FMNL2: variants seen among roughly 807,000 people sequenced by gnomAD.
FMNL2 encodes the protein formin like 2.
Under a neutral mutation model 130.2 loss-of-function variants are expected in FMNL2, and 51 were observed. That is an observed-to-expected ratio of 0.39 (90% CI 0.31 to 0.49). The LOEUF (loss-of-function observed/expected upper bound fraction) is 0.49, where lower values mean the gene tolerates loss of function less well. Among genes scored for constraint, FMNL2 ranks in the 20% least tolerant of loss-of-function variants. The pLI, the probability that FMNL2 is intolerant of heterozygous loss-of-function variation, is 0.85. For synonymous variants in FMNL2, 465 were observed against 467.1 expected (o/e 1.00, Z 0.06); for missense variants, 977 against 1,316.2 (o/e 0.74, Z 3.99).
At chr2:152,338,522 C>T (rs968663335) in intron 1 of FMNL2, among the ~76,000 whole-genome samples, 12 of 151,532 alleles carry the variant, frequency 7.9e-5, no homozygotes, top group Non-Finnish European at 1.2e-4. Context: ...TTAAATTGTG[C>T]GAATATAAAA....
At chr2:152,446,909 A>G (rs1399495835) in intron 1 of FMNL2, among the ~76,000 whole-genome samples, 1 of 152,196 alleles carries the variant, frequency 6.6e-6, no homozygotes, top group Non-Finnish European at 1.5e-5. Context: ...CAAAGATTTT[A>G]TAAATTTAAT....
At chr2:152,593,892 TGTGTGTGTGTGAGAGAGA>T (rs1379797204) in intron 9 of FMNL2, among the ~76,000 whole-genome samples, 3 of 113,256 alleles carry the variant, frequency 2.6e-5, no homozygotes, top group Admixed American at 9.2e-5. Context: ...TGTGTGTGTG[TGTGTGTGTGTGAGAGAGA>T]GAGAGAGAGA....
At chr2:152,394,535 G>T (rs1685288397) in intron 1 of FMNL2, among the ~76,000 whole-genome samples, 2 of 151,706 alleles carry the variant, frequency 1.3e-5, no homozygotes, top group South Asian at 4.2e-4. Context: ...TTCCATATGA[G>T]CTGGCATTCA....
intron 1 of FMNL2, among the ~76,000 whole-genome samples, chr2:152,452,798 C>A (rs931827526): frequency 6.6e-6 from 1 of 152,036 alleles, no homozygotes; most frequent in Non-Finnish European, 1.5e-5. Flanking sequence ...GGAGGGCTGT[C>A]GTACCAGGTG....
At chr2:152,597,637 T>A (rs1435224401) in intron 9 of FMNL2, among the ~76,000 whole-genome samples, 1 of 152,216 alleles carries the variant, frequency 6.6e-6, no homozygotes, top group African/African-American at 2.4e-5. Flanking sequence ...TCACTCATTG[T>A]TCCTTTTGTG....
At chr2:152,364,270 T>G (rs1192166856) in intron 1 of FMNL2, among the ~76,000 whole-genome samples, 62 of 147,412 alleles carry the variant, frequency 4.2e-4, no homozygotes, top group African/African-American at 1.5e-3. Flanking sequence ...TGTTTTTTTT[T>G]TTTTTTTTTT....
intron 1 of FMNL2, among the ~76,000 whole-genome samples, chr2:152,510,680 G>A (rs889922990): frequency 6.6e-6 from 1 of 152,196 alleles, no homozygotes; most frequent in Non-Finnish European, 1.5e-5. Flanking sequence ...CCGCTACCAC[G>A]AGGGGTGAGA....
At chr2:152,564,153 AC>A (rs1695682129) in intron 6 of FMNL2, among the ~76,000 whole-genome samples, 1 of 103,834 alleles carries the variant, frequency 9.6e-6, no homozygotes, top group East Asian at 2.9e-4. Flanking sequence ...TTTTAATAGC[AC>A]AGGTTGTTTT....
intron 1 of FMNL2, among the ~76,000 whole-genome samples, chr2:152,483,854 T>A (rs928022718): frequency 2.6e-5 from 4 of 152,134 alleles, no homozygotes; most frequent in Non-Finnish European, 5.9e-5. Context: ...ACCAGAGAAA[T>A]GCACACACAG....
intron 1 of FMNL2, among the ~76,000 whole-genome samples, chr2:152,494,312 C>G (rs1380525153): frequency 6.6e-6 from 1 of 152,156 alleles, no homozygotes; most frequent in Non-Finnish European, 1.5e-5. Context: ...GCATCTGACC[C>G]AAAATAACAC....
At chr2:152,412,468 ATATATATATATATATAT>A (rs1686362487) in intron 1 of FMNL2, among the ~76,000 whole-genome samples, 1 of 17,960 alleles carries the variant, frequency 5.6e-5, no homozygotes, top group Non-Finnish European at 1.5e-4. Context: ...ATATATATAT[ATATATATATATATATAT>A]ATATATATAT....
chr2:152,640,659 C>A, intron 24 of FMNL2, 132 bp from the exon 25 acceptor site: 1 of 1,132,530 alleles, frequency 8.8e-7, no homozygotes, highest in Non-Finnish European at 1.2e-6. Flanking sequence ...TGCAACTGAG[C>A]AGAATGTGGG....
At chr2:152,563,930 A>G (rs1034195403) in intron 6 of FMNL2, among the ~76,000 whole-genome samples, 1 of 152,176 alleles carries the variant, frequency 6.6e-6, no homozygotes, top group African/African-American at 2.4e-5. Context: ...GGAAAATCTC[A>G]TAAGTCTCGG....
intron 1 of FMNL2, among the ~76,000 whole-genome samples, chr2:152,412,075 A>T (rs1321906492): frequency 1.3e-5 from 2 of 152,104 alleles, no homozygotes; most frequent in African/African-American, 2.4e-5. Flanking sequence ...AAGCTACTTC[A>T]TCTCCTTGAA....
intron 1 of FMNL2, among the ~76,000 whole-genome samples, chr2:152,462,211 C>T (rs1352202962): frequency 6.6e-6 from 1 of 152,152 alleles, no homozygotes; most frequent in Non-Finnish European, 1.5e-5. Context: ...CAACTAGGAA[C>T]TGAATTTTAA....
intron 1 of FMNL2, among the ~76,000 whole-genome samples, chr2:152,520,282 G>C (rs562128931): frequency 4.4e-5 from 4 of 90,102 alleles, no homozygotes; most frequent in East Asian, 2.1e-4. Flanking sequence ...TCAGCTTTGA[G>C]GGGGGGTGAT....
intron 1 of FMNL2, among the ~76,000 whole-genome samples, chr2:152,419,288 C>G (rs1225998425): frequency 1.3e-5 from 2 of 152,176 alleles, no homozygotes; most frequent in South Asian, 4.1e-4. Context: ...AAATATTTAA[C>G]TTTTTTATAA....
intron 1 of FMNL2, among the ~76,000 whole-genome samples, chr2:152,379,882 C>CATAGAAAATAGTAGTGAAAGCT (rs1273114898): frequency 6.6e-6 from 1 of 152,164 alleles, no homozygotes; most frequent in Non-Finnish European, 1.5e-5. Flanking sequence ...TTTCTGTAGT[C>CATAGAAAATAGTAGTGAAAGCT]ATAGAAAATA....
intron 6 of FMNL2, among the ~76,000 whole-genome samples, chr2:152,565,937 G>A (rs1407661599): frequency 1.3e-5 from 2 of 151,952 alleles, no homozygotes; most frequent in Admixed American, 6.6e-5. Context: ...GTGCCACCAC[G>A]CCTGCCTAAT....
Sources: gnomAD v4.1 joint callset for allele counts (sites outside exome capture counted in the v4.1 genomes callset) on GRCh38, gnomAD v4.1.1 for gene constraint, MANE v1.5 for transcripts, NCBI Gene and HGNC (gene_info 2026-07-23, HGNC 2026-07-21) for gene names.